PLB1: variants seen among roughly 807,000 people sequenced by gnomAD.
PLB1 encodes phospholipase B1, membrane-associated.
PLB1 carries 242 observed loss-of-function variants against 227.4 expected under a neutral mutation model. The observed-to-expected ratio is 1.06, with a 90% CI of 0.96 to 1.18. The LOEUF (loss-of-function observed/expected upper bound fraction) is 1.18. Among genes scored for constraint, PLB1 ranks in the 50% most tolerant of loss-of-function variants. PLB1 has a pLI of 0.00. For synonymous variants in PLB1, 757 were observed against 682.2 expected (o/e 1.11, Z -1.71); for missense variants, 1,858 against 1,816.3 (o/e 1.02, Z -0.42).
At chr2:28,567,287 C>T (rs1677127757) in intron 20 of PLB1, among the ~76,000 whole-genome samples, 1 of 152,142 alleles carries the variant, frequency 6.6e-6, no homozygotes, top group Non-Finnish European at 1.5e-5. Context: ...TCGATCCAGG[C>T]ACCTGGGGCG....
chr2:28,521,172 C>A lies in PLB1; in HGVS notation c.243+1409C>A, dbSNP rs1162283139. Among the ~76,000 whole-genome samples, 4 of 152,260 alleles carry A rather than the reference C, an allele frequency of 2.6e-5. No homozygotes were observed. In the East Asian group the frequency reaches 7.7e-4, roughly 29 times the overall value. ...GATCAGATTTCATTTATTCATTCAC[C>A]CGTCAGTGGACACTTGGGTTGCCTC... On this transcript the variant is annotated intron_variant, in intron 4 of 57. Transcript: ENST00000327757.
At chr2:28,540,330 T>A in intron 11 of PLB1, 36 bp from the exon 12 acceptor site, 1 of 1,588,048 alleles carries the variant, frequency 6.3e-7, no homozygotes, top group African/African-American at 1.3e-5. Context: ...CCACACTGCC[T>A]CCCCTCTCTC....
rs73922165 is a variant in PLB1 at position 28,577,362 on chromosome 2, C to A, written c.1434-745C>A. On this transcript the variant is annotated intron_variant, in intron 21 of 57. Coordinates refer to ENST00000327757, the MANE Select transcript of PLB1 (RefSeq NM_153021.5). Reference sequence around the variant, plus strand: ...AGCAAAAGGCACCTAAGTGTCCAACCCAGGTGCATTTTACTAGACTACATC... The same window carrying A: ...AGCAAAAGGCACCTAAGTGTCCAACACAGGTGCATTTTACTAGACTACATC... Among the ~76,000 whole-genome samples the A allele has an allele frequency of 6.3e-3, 961 of 152,300 alleles. 12 individuals carry two copies. Among genetic ancestry groups the A allele is most frequent in the African/African-American group, 0.022 (909 of 41,574 alleles).
At chr2:28,556,606 TG>T (rs1208606172) in intron 17 of PLB1, among the ~76,000 whole-genome samples, 4 of 152,112 alleles carry the variant, frequency 2.6e-5, no homozygotes, top group Non-Finnish European at 5.9e-5. Context: ...AAAAACATAT[TG>T]GGCCTACTAG....
intron 23 of PLB1, 107 bp from the exon 24 acceptor site, chr2:28,581,961 A>G: frequency 9.1e-7 from 1 of 1,101,354 alleles, no homozygotes; most frequent in Middle Eastern, 2.1e-4. Flanking sequence ...ATCCTATCTC[A>G]AAAAAAGAAA....
At chr2:28,596,688 C>G (rs1023473342) in intron 33 of PLB1, among the ~76,000 whole-genome samples, 1 of 152,194 alleles carries the variant, frequency 6.6e-6, no homozygotes, top group Non-Finnish European at 1.5e-5. Context: ...AAGAATCAGA[C>G]GCTTAAACAA....
At chr2:28,559,808 G>C (rs978986249) in intron 17 of PLB1, among the ~76,000 whole-genome samples, 1 of 142,532 alleles carries the variant, frequency 7.0e-6, no homozygotes, top group Non-Finnish European at 1.5e-5. Context: ...CTGGATTGCA[G>C]TGGCGCAATC....
chr2:28,558,119 T>TATAA (rs1675429671), intron 17 of PLB1, among the ~76,000 whole-genome samples: 1 of 150,720 alleles, frequency 6.6e-6, no homozygotes, highest in South Asian at 2.1e-4. Flanking sequence ...CATATGTATG[T>TATAA]ACACACAGAC....
At chr2:28,620,826 A>C in intron 48 of PLB1, 53 bp from the exon 49 acceptor site, 1 of 1,412,498 alleles carries the variant, frequency 7.1e-7, no homozygotes, top group Non-Finnish European at 1.0e-6. Flanking sequence ...AGTTACTGTG[A>C]GGGTCCTGCA....
chr2:28,588,058 T>A (rs1325143709), intron 26 of PLB1, among the ~76,000 whole-genome samples: 1 of 152,056 alleles, frequency 6.6e-6, no homozygotes, highest in African/African-American at 2.4e-5. Context: ...CATCATGCCC[T>A]GTCTCAGAAT....
rs560100765 is a variant in PLB1, at chr2:28,525,473, C to G, written c.284+166C>G. 3.3e-5 allele frequency among the ~76,000 whole-genome samples: 5 copies of G among 152,288 alleles called. No individual in the cohort carries two copies. The East Asian group carries it at 7.7e-4, about 24-fold the overall frequency. ...GAAGCTCCCAGAACCCAGCCTCCTG[C>G]CTCCTTGTCTAACCCTTCCTCTGCC... On this transcript the variant is annotated intron_variant, in intron 5 of 57. Transcript: ENST00000327757.
chr2:28,502,087 C>T (rs1335529641), intron 1 of PLB1, among the ~76,000 whole-genome samples: 1 of 152,106 alleles, frequency 6.6e-6, no homozygotes, highest in Non-Finnish European at 1.5e-5. Context: ...ATTTGCATTC[C>T]TACCAGCAAT....
In PLB1 at chr2:28,563,053, A is replaced by C. The variant is rs1236564256; in HGVS notation, c.1160A>C (p.Lys387Thr). The C allele has an allele frequency of 6.2e-7, 1 of 1,613,708 alleles. No homozygotes were observed. Among genetic ancestry groups the C allele is most frequent in the Non-Finnish European group, 8.5e-7 (1 of 1,179,764 alleles). The stretch of plus-strand genomic sequence containing the variant: ...CTTATATTCTTAGTTCATAGGCTGA[A>C]GCCGGCTGACATCAACGTAATTGGA... ...DTVPTSVHRL[K>T]PADINVIGAL... is the part of the protein sequence containing the mutation. Residue 387 changes from lysine to threonine, a missense_variant, in exon 18 of 58, where the codon AAG (lysine) becomes ACG (threonine). By Grantham distance (78) the Lys-to-Thr change is moderately conservative (BLOSUM62 -1). Coordinates refer to ENST00000327757, the MANE Select transcript of PLB1 (RefSeq NM_153021.5).
intron 22 of PLB1, among the ~76,000 whole-genome samples, chr2:28,579,169 A>G (rs1482913132): frequency 6.6e-6 from 1 of 152,224 alleles, no homozygotes; most frequent in Non-Finnish European, 1.5e-5. Context: ...CAGTGTGAGT[A>G]TTCCAAATTT....
chr2:28,584,056 C>T (rs1680508127), intron 25 of PLB1, among the ~76,000 whole-genome samples: 1 of 152,066 alleles, frequency 6.6e-6, no homozygotes, highest in Admixed American at 6.6e-5. Context: ...CCCTACCCTG[C>T]CCCCCAGCTC....
intron 1 of PLB1, among the ~76,000 whole-genome samples, chr2:28,511,500 A>G (rs1374834607): frequency 6.6e-6 from 1 of 152,202 alleles, no homozygotes; most frequent in African/African-American, 2.4e-5. Context: ...CAACGTCCCA[A>G]CTGGGATCAT....
At chr2:28,622,154 T>C (rs759187345) in intron 49 of PLB1, among the ~76,000 whole-genome samples, 3 of 152,250 alleles carry the variant, frequency 2.0e-5, no homozygotes, top group Non-Finnish European at 4.4e-5. Context: ...AACTTTCCTT[T>C]ATCTCTATTC....
intron 51 of PLB1, among the ~76,000 whole-genome samples, chr2:28,628,169 C>T (rs1688068256): frequency 6.6e-6 from 1 of 152,188 alleles, no homozygotes. Context: ...GTGGGACCAG[C>T]ATGGACCAAA....
chr2:28,507,343 A>G (rs1362991119), intron 1 of PLB1, among the ~76,000 whole-genome samples: 2 of 152,168 alleles, frequency 1.3e-5, no homozygotes, highest in Non-Finnish European at 2.9e-5. Context: ...GAGGCTGGGA[A>G]GTACAAGATT....
Sources: gnomAD v4.1 joint callset for allele counts (sites outside exome capture counted in the v4.1 genomes callset) on GRCh38, gnomAD v4.1.1 for gene constraint, MANE v1.5 for transcripts, NCBI Gene and HGNC (gene_info 2026-07-23, HGNC 2026-07-21) for gene names.